Variants in PHRF1 observed in about 807,000 individuals in gnomAD.
PHRF1 encodes PHD and ring finger domains 1.
PHRF1 carries 53 observed loss-of-function variants against 128.9 expected under a neutral mutation model. That is an observed-to-expected ratio of 0.41 (90% confidence interval 0.33 to 0.52). The LOEUF is 0.52. Ranked by LOEUF, PHRF1 falls within the 20% of genes least tolerant of loss-of-function variation. PHRF1 has a pLI of 0.21. For missense variants in PHRF1, 2,503 were observed against 2,284.5 expected (o/e 1.10, Z -1.95); for synonymous variants, 1,178 against 980.6 (o/e 1.20, Z -3.76).
chr11:580,765 T>C, intron 1 of PHRF1, among the ~76,000 whole-genome samples: 1 of 152,202 alleles, frequency 6.6e-6, no homozygotes, highest in South Asian at 2.1e-4. Flanking sequence ...CTCGGCTCAC[T>C]GCAACCTCCG....
chr11:588,292 C>T (rs530192243), intron 4 of PHRF1, among the ~76,000 whole-genome samples: 99 of 152,322 alleles, frequency 6.5e-4, no homozygotes, highest in African/African-American at 2.3e-3. Context: ...GCTGTGATGT[C>T]ACCCAAAGTC....
rs1334308308 is a variant in PHRF1 at position 607,399 on chromosome 11, A to G, written c.1943A>G (p.Lys648Arg). 1 of 1,612,704 alleles carries G rather than the reference A, an allele frequency of 6.2e-7. No individual in the cohort carries two copies. The highest frequency in any genetic ancestry group is 1.3e-5 in the African/African-American group (1 of 74,928). ...TTGCCCCTTGCCTCTGCCGCGTCTA[A>G]GATCTCAAGCAGAGATTCTAAGCCC... The part of the protein sequence containing the change: ...HTLPLASAAS[K>R]ISSRDSKPPC... Residue 648 changes from lysine to arginine, a missense_variant, in exon 14 of 18, where the codon AAG becomes AGG. Transcript: ENST00000264555.
At chr11:590,066 C>T (rs1333342929) in intron 4 of PHRF1, among the ~76,000 whole-genome samples, 1 of 151,728 alleles carries the variant, frequency 6.6e-6, no homozygotes, top group East Asian at 1.9e-4. Flanking sequence ...TGTCTGCAAA[C>T]GGGCATGGAG....
chr11:602,755 G>GT (rs1564857878), intron 10 of PHRF1, among the ~76,000 whole-genome samples: 4 of 139,598 alleles, frequency 2.9e-5, no homozygotes, highest in Admixed American at 6.8e-5. Context: ...TTTTGGTTTT[G>GT]TTTTTGTTTT....
Position 599,920 on chromosome 11 carries a change from G to A in PHRF1, c.1024+1418G>A, listed in dbSNP as rs577805470. ...AATCTCTGTAATTACCTGTGTCTGTGGCTGATTTTTTATTATTGAGAAATA... is the reference window on the plus strand; with the variant it reads ...AATCTCTGTAATTACCTGTGTCTGTAGCTGATTTTTTATTATTGAGAAATA... On this transcript the variant is annotated intron_variant, in intron 9 of 17. Coordinates refer to ENST00000264555, the MANE Select transcript of PHRF1 (RefSeq NM_001286581.2). Among the ~76,000 whole-genome samples, 21 of 152,296 alleles carry A rather than the reference G, an allele frequency of 1.4e-4. No homozygotes were observed. In the East Asian group the frequency reaches 4.0e-3, roughly 29 times the overall value.
Position 607,623 on chromosome 11 carries a change from C to G in PHRF1, c.2167C>G (p.Pro723Ala), listed in dbSNP as rs1377122431. The G allele has an allele frequency of 7.4e-6, 12 of 1,611,962 alleles. No individual in the cohort carries two copies. The highest frequency in any genetic ancestry group is 1.6e-4 in the Middle Eastern group (1 of 6,080). ...RLTGREGTGQ[P>A]GRGTRAESEA... ...GACTGGCAGGGAGGGCACCGGGCAG[C>G]CAGGGCGAGGCACACGGGCAGAGAG... The change falls in exon 14 of 18, where the codon CCA becomes GCA. Residue 723 changes from proline (P) to alanine (A), a missense_variant. By Grantham distance (27) the Pro-to-Ala change is conservative (BLOSUM62 -1). Coordinates refer to ENST00000264555, the MANE Select transcript of PHRF1 (RefSeq NM_001286581.2).
At position 607,537 on chromosome 11, in the gene PHRF1, G is replaced by A. The variant is rs375255487; in HGVS notation, c.2081G>A (p.Arg694Gln). 2.2e-5 allele frequency: 35 copies of A among 1,612,560 alleles called. No individual in the cohort carries two copies. In the African/African-American group the frequency reaches 2.7e-4, roughly 12 times the overall value. Reference protein sequence around the residue: ...KIRRDDGGGRRDAAPAHGQSI... With the variant: ...KIRRDDGGGRQDAAPAHGQSI... ...AGGAGAGATGACGGTGGTGGCAGAC[G>A]GGATGCGGCCCCGGCCCACGGGCAG... Residue 694 changes from arginine to glutamine, a missense_variant, in exon 14 of 18, where the codon CGG becomes CAG. Coordinates refer to ENST00000264555, the MANE Select transcript of PHRF1 (RefSeq NM_001286581.2).
At chr11:580,081 T>C (rs1458965384) in intron 1 of PHRF1, among the ~76,000 whole-genome samples, 6 of 152,180 alleles carry the variant, frequency 3.9e-5, no homozygotes, top group Non-Finnish European at 8.8e-5. Flanking sequence ...TCTTGTGCGA[T>C]GCGCTTTCCT....
At position 606,603 on chromosome 11, in the gene PHRF1, G is replaced by T. The variant is rs1269963021; in HGVS notation, c.1609+7G>T. The T allele has an allele frequency of 1.3e-6, 2 of 1,594,070 alleles. No individual in the cohort carries two copies. The highest frequency in any genetic ancestry group is 1.7e-5 in the Admixed American group (1 of 59,430). Reference sequence around the variant, plus strand: ...CTCAGCGCCAAGAGGGCGGGTGAGTGCCTTCCCTGCCACGGCCCCTTCCTC... The same window carrying T: ...CTCAGCGCCAAGAGGGCGGGTGAGTTCCTTCCCTGCCACGGCCCCTTCCTC... On this transcript the variant is annotated splice_region_variant and intron_variant, in intron 13 of 17. Coordinates refer to ENST00000264555, the MANE Select transcript of PHRF1 (RefSeq NM_001286581.2).
Position 607,169 on chromosome 11 carries a change from A to C in PHRF1, c.1713A>C (p.Gln571His). 1 of 1,612,568 alleles carries C rather than the reference A, an allele frequency of 6.2e-7. No individual in the cohort carries two copies. Among genetic ancestry groups the C allele is most frequent in the African/African-American group, 1.3e-5 (1 of 75,000 alleles). ...PRALPSGSPA[Q>H]GPSGNRPQST... ...CACTGCCCTCCGGGAGCCCGGCCCA[A>C]GGCCCGTCAGGAAACAGGCCACAGA... Residue 571 changes from glutamine (Q) to histidine (H), a missense_variant, in exon 14 of 18, where the codon CAA (glutamine) becomes CAC (histidine). Coordinates refer to ENST00000264555, the MANE Select transcript of PHRF1 (RefSeq NM_001286581.2).
At position 587,191 on chromosome 11, in the gene PHRF1, G is replaced by A. The variant is rs1454739571; in HGVS notation, c.215-68G>A. On this transcript the variant is annotated intron_variant, in intron 3 of 17. Transcript: ENST00000264555. ...GGTGTCCTGAGCGCAGCCTGGGCCC[G>A]CTTGCCTCCAGTGCCGCGGTTCACG... 4.0e-6 allele frequency: 6 copies of A among 1,499,362 alleles called. No individual in the cohort carries two copies. The Admixed American group carries it at 5.7e-5, about 14-fold the overall frequency. 92.9% of individuals were successfully genotyped at this position (1,499,362 alleles called of 1,614,324 possible). A position where few individuals can be genotyped will look rare whatever the true frequency, so the allele number is the denominator to read the frequency against.
chr11:582,520 T>C (rs1854266960), intron 3 of PHRF1, among the ~76,000 whole-genome samples: 1 of 151,796 alleles, frequency 6.6e-6, no homozygotes, highest in South Asian at 2.1e-4. Context: ...GCCTGGCCTG[T>C]AGTCCTCCTT....
intron 1 of PHRF1, among the ~76,000 whole-genome samples, chr11:579,855 GT>G (rs1187297477): frequency 1.3e-5 from 2 of 152,212 alleles, no homozygotes; most frequent in African/African-American, 2.4e-5. Flanking sequence ...AGAATCTAGG[GT>G]TTTGCACTGT....
intron 14 of PHRF1, 59 bp downstream of exon 14, chr11:609,779 C>CTGT: frequency 8.0e-7 from 1 of 1,243,056 alleles, no homozygotes; most frequent in Non-Finnish European, 1.1e-6. Context: ...GGCCCTGGCC[C>CTGT]CCGCCGAGGA....
chr11:583,357 C>A (rs1365461654), intron 3 of PHRF1, among the ~76,000 whole-genome samples: 1 of 149,130 alleles, frequency 6.7e-6, no homozygotes, highest in African/African-American at 2.5e-5. Flanking sequence ...AACAAAAAAA[C>A]CCCACCAAAA....
Position 609,772 on chromosome 11 carries a change from C to T in PHRF1, c.4264+52C>T, listed in dbSNP as rs1431323352. 13 of 1,299,814 alleles carry T rather than the reference C, an allele frequency of 1.0e-5. No homozygotes were observed. In the East Asian group the frequency reaches 2.0e-4, roughly 20 times the overall value. 80.5% of individuals were successfully genotyped at this position (1,299,814 alleles called of 1,614,324 possible). On this transcript the variant is annotated intron_variant, in intron 14 of 17. Transcript: ENST00000264555. Reference sequence around the variant, plus strand: ...GGACAGAGCCCCCAGTGAGTAAGGCCCTGGCCCCCGCCGAGGACAGAGCCC... The same window carrying T: ...GGACAGAGCCCCCAGTGAGTAAGGCTCTGGCCCCCGCCGAGGACAGAGCCC...
rs1337939993 is a variant in PHRF1 at position 610,281 on chromosome 11, C to T, written c.4350C>T (p.Phe1450=). 5 of 1,560,592 alleles carry T rather than the reference C, an allele frequency of 3.2e-6. No homozygotes were observed. Among genetic ancestry groups the T allele is most frequent in the South Asian group, 2.4e-5 (2 of 84,740 alleles). ...CCCCCACAGGGGTCAGGCAGGTGTT[C>T]TCCGAGCTGCCCTTTCCCAGTCACG... ...DVAPTGVRQV[F]SELPFPSHVL... is the part of the protein sequence containing the mutation. The change falls in exon 15 of 18, where the codon TTC becomes TTT. Residue 1450 remains phenylalanine, a synonymous_variant. Coordinates refer to ENST00000264555, the MANE Select transcript of PHRF1 (RefSeq NM_001286581.2).
At chr11:581,898 A>G (rs1164519973) in intron 2 of PHRF1, 64 bp from the exon 3 acceptor site, 2 of 1,496,592 alleles carry the variant, frequency 1.3e-6, no homozygotes, top group Non-Finnish European at 1.8e-6. Context: ...TGTGCAAAGC[A>G]ACCTGCTCTC....
rs542470878 is a variant in PHRF1, at chr11:608,947, G to A, written c.3491G>A (p.Arg1164Gln). Residue 1164 changes from arginine to glutamine, a missense_variant, in exon 14 of 18, where the codon CGG becomes CAG. Coordinates refer to ENST00000264555, the MANE Select transcript of PHRF1 (RefSeq NM_001286581.2). ...CGAGACCGGAGGAAGCGGAGGTCCC[G>A]GTCCCCAAGCTCGGAGCACAGGGCA... ...WPRDRRKRRS[R>Q]SPSSEHRARE... 903 of 1,610,562 alleles carry A rather than the reference G, an allele frequency of 5.6e-4. 16 individuals carry two copies. The South Asian group carries it at 9.3e-3, about 17-fold the overall frequency.
Sources: gnomAD v4.1 joint callset for allele counts (sites outside exome capture counted in the v4.1 genomes callset) on GRCh38, gnomAD v4.1.1 for gene constraint, MANE v1.5 for transcripts, NCBI Gene and HGNC (gene_info 2026-07-23, HGNC 2026-07-21) for gene names.